The following PHLDB2 variants were observed in gnomAD, a reference collection of about 807,000 sequenced individuals.
PHLDB2 encodes the protein pleckstrin homology like domain family B member 2, also known as pleckstrin homology-like domain family B member 2.
PHLDB2 carries 71 observed loss-of-function variants against 123.6 expected under a neutral mutation model. The observed-to-expected ratio is 0.57, with a 90% confidence interval of 0.47 to 0.70. The LOEUF is 0.70. PHLDB2 is among the 30% of genes least tolerant of loss of function. The pLI, the probability that PHLDB2 is intolerant of heterozygous loss-of-function variation, is 0.00. For synonymous variants in PHLDB2, 547 were observed against 541.6 expected, an observed-to-expected ratio of 1.01 and a Z score of -0.14; for missense variants, 1,446 against 1,519.5, an observed-to-expected ratio of 0.95 and a Z score of 0.80.
intron 1 of PHLDB2, among the ~76,000 whole-genome samples, chr3:111,784,007 A>G (rs1421352721): frequency 6.6e-6 from 1 of 152,140 alleles, no homozygotes; most frequent in Non-Finnish European, 1.5e-5. Context: ...GTCCTTTGAG[A>G]GGAATTCTCT....
intron 6 of PHLDB2, among the ~76,000 whole-genome samples, chr3:111,937,406 T>C (rs1268799829): frequency 1.3e-5 from 2 of 152,220 alleles, no homozygotes; most frequent in Non-Finnish European, 2.9e-5. Context: ...TTATGTTAGC[T>C]ATGTAGAGCT....
intron 1 of PHLDB2, among the ~76,000 whole-genome samples, chr3:111,863,005 A>G (rs1342439144): frequency 1.3e-5 from 2 of 152,222 alleles, no homozygotes; most frequent in Non-Finnish European, 2.9e-5. Flanking sequence ...AAATGGGAAC[A>G]AAAAACAAAA....
rs146984811 is a variant in PHLDB2 at position 111,835,771 on chromosome 3, G to A, written c.-48-10050G>A. Among the ~76,000 whole-genome samples the A allele has an allele frequency of 2.0e-5, 3 of 152,308 alleles. No individual in the cohort carries two copies. In the East Asian group the frequency reaches 5.8e-4, roughly 29 times the overall value. The stretch of plus-strand genomic sequence containing the variant: ...GTCAGCTGGGTCCTCAGCAGGAGCT[G>A]TCACCAGGAACACCTTACATAGTGA... On this transcript the variant is annotated intron_variant, in intron 1 of 17. Transcript: ENST00000393923.
At chr3:111,883,854 C>CT (rs2066051460) in intron 1 of PHLDB2, 1 of 505,758 alleles carries the variant, frequency 2.0e-6, no homozygotes, top group Non-Finnish European at 3.4e-6. Context: ...TTTTATTTCT[C>CT]TTTTGTACAT....
In PHLDB2 at chr3:111,913,539, T is replaced by G; in HGVS notation, c.1556T>G (p.Leu519Trp). The G allele has an allele frequency of 6.2e-7, 1 of 1,614,114 alleles. No homozygotes were observed. Among genetic ancestry groups the G allele is most frequent in the Non-Finnish European group, 8.5e-7 (1 of 1,179,992 alleles). Reference sequence around the variant, plus strand: ...AAAGACTCCCTCCCTGATGCAGACTTGGCAAGCTGTGGGAGTCTCAGTCAG... The same window carrying G: ...AAAGACTCCCTCCCTGATGCAGACTGGGCAAGCTGTGGGAGTCTCAGTCAG... ...HRKDSLPDAD[L>W]ASCGSLSQSS... Residue 519 changes from leucine to tryptophan, a missense_variant, in exon 3 of 18, where the codon TTG becomes TGG. By Grantham distance (61) the Leu-to-Trp change is moderately conservative. Coordinates refer to ENST00000431670, the MANE Select transcript of PHLDB2 (RefSeq NM_001134438.2).
chr3:111,868,036 G>A (rs1297545387), intron 1 of PHLDB2, among the ~76,000 whole-genome samples: 5 of 151,916 alleles, frequency 3.3e-5, no homozygotes, highest in Admixed American at 2.0e-4. Context: ...ATCTTGCTGC[G>A]TCACCCAGAC....
chr3:111,969,606 A>T lies in PHLDB2; in HGVS notation c.3316-84A>T. 5 of 1,079,210 alleles carry T rather than the reference A, an allele frequency of 4.6e-6. No individual in the cohort carries two copies. The South Asian group carries it at 7.1e-5, about 15-fold the overall frequency. 66.9% of individuals were successfully genotyped at this position (1,079,210 alleles called of 1,614,324 possible). On this transcript the variant is annotated intron_variant, in intron 15 of 17. Coordinates refer to ENST00000431670, the MANE Select transcript of PHLDB2 (RefSeq NM_001134438.2). ...AGGCATTTTAAAGCTTAGGTTTTAC[A>T]GTTAATTTCTGCTTCTAAACATCTG... is the stretch of plus-strand genomic sequence containing the variant.
At chr3:111,938,855 G>A (rs766624018) in intron 6 of PHLDB2, among the ~76,000 whole-genome samples, 7 of 150,768 alleles carry the variant, frequency 4.6e-5, no homozygotes, top group Non-Finnish European at 7.4e-5. Flanking sequence ...CACCCTTGTC[G>A]CCCAGGGTGG....
chr3:111,930,862 G>A (rs2069105235), intron 5 of PHLDB2, among the ~76,000 whole-genome samples: 1 of 152,114 alleles, frequency 6.6e-6, no homozygotes, highest in Non-Finnish European at 1.5e-5. Context: ...GGGGTCTCAG[G>A]TTTATGATTT....
chr3:111,881,171 CCTTTT>C (rs1301945573), intron 1 of PHLDB2, among the ~76,000 whole-genome samples: 3 of 152,120 alleles, frequency 2.0e-5, no homozygotes, highest in Non-Finnish European at 4.4e-5. Flanking sequence ...TCACAATTTT[CCTTTT>C]CTTTTCTTAT....
At chr3:111,851,694 C>T (rs1166655139) in intron 2 of PHLDB2, among the ~76,000 whole-genome samples, 1 of 152,154 alleles carries the variant, frequency 6.6e-6, no homozygotes, top group Non-Finnish European at 1.5e-5. Context: ...CTGGCTCTTC[C>T]TGTTGTCCCG....
At chr3:111,960,145 G>A in intron 12 of PHLDB2, 2 of 856,024 alleles carry the variant, frequency 2.3e-6, no homozygotes, top group Non-Finnish European at 2.8e-6. Flanking sequence ...AACTTAAAAG[G>A]AGCAATTAGT....
At chr3:111,759,700 C>CTT (rs2059961473) in intron 1 of PHLDB2, among the ~76,000 whole-genome samples, 1 of 152,150 alleles carries the variant, frequency 6.6e-6, no homozygotes, top group Non-Finnish European at 1.5e-5. Flanking sequence ...TCATGCAACC[C>CTT]TATAAGGTGG....
chr3:111,847,872 G>A (rs1474730689), intron 2 of PHLDB2, among the ~76,000 whole-genome samples: 1 of 152,150 alleles, frequency 6.6e-6, no homozygotes, highest in Non-Finnish European at 1.5e-5. Context: ...TTGGTAATAG[G>A]GGTTGAGGAG....
intron 2 of PHLDB2, among the ~76,000 whole-genome samples, chr3:111,850,982 T>C (rs1250711586): frequency 6.6e-6 from 1 of 151,406 alleles, no homozygotes; most frequent in African/African-American, 2.4e-5. Flanking sequence ...GATCACGAGG[T>C]CAGGAGATGG....
intron 1 of PHLDB2, among the ~76,000 whole-genome samples, chr3:111,839,465 C>A (rs2063570290): frequency 1.3e-5 from 2 of 152,070 alleles, no homozygotes; most frequent in South Asian, 4.1e-4. Flanking sequence ...AAAAAATGTT[C>A]TTTGTGCTAT....
chr3:111,737,612 C>T (rs2059532206), intron 1 of PHLDB2, among the ~76,000 whole-genome samples: 1 of 152,118 alleles, frequency 6.6e-6, no homozygotes, highest in Admixed American at 6.6e-5. Context: ...CACATAAGAC[C>T]TCTGTATTTG....
chr3:111,816,899 G>C (rs1179685989), intron 1 of PHLDB2, among the ~76,000 whole-genome samples: 1 of 152,094 alleles, frequency 6.6e-6, no homozygotes, highest in Non-Finnish European at 1.5e-5. Flanking sequence ...TTGAATTATG[G>C]GGGTGAGTCT....
chr3:111,863,222 T>C (rs929590821), intron 1 of PHLDB2, among the ~76,000 whole-genome samples: 1 of 152,208 alleles, frequency 6.6e-6, no homozygotes, highest in African/African-American at 2.4e-5. Context: ...CATGGCAAAG[T>C]AGGCAACAGA....
Sources: allele counts gnomAD v4.1 joint callset (sites outside exome capture counted in the v4.1 genomes callset), GRCh38; gene constraint gnomAD v4.1.1; transcripts MANE v1.5; gene names NCBI Gene and HGNC (gene_info 2026-07-23, HGNC 2026-07-21).